Variants in UCHL1 observed in about 807,000 individuals in gnomAD.
The protein encoded by UCHL1 is ubiquitin C-terminal hydrolase L1.
A neutral mutation model predicts 33.3 loss-of-function variants in UCHL1; 5 were observed. The observed-to-expected ratio is 0.15, with a 90% CI of 0.08 to 0.32. UCHL1 has a LOEUF of 0.32. UCHL1 is among the 10% of genes least tolerant of loss of function. UCHL1 has a pLI of 1.00. For synonymous variants in UCHL1, 132 were observed against 108.8 expected (o/e 1.21, Z -1.33); for missense variants, 236 against 280.0 (o/e 0.84, Z 1.12).
chr4:41,257,809 C>T (rs917282545), intron 3 of UCHL1, 72 bp downstream of exon 3: 10 of 1,509,634 alleles, frequency 6.6e-6, no homozygotes, highest in African/African-American at 1.4e-5. Flanking sequence ...TCCTCGGGGG[C>T]TCCCCGCCCC....
At chr4:41,257,030 T>C in intron 1 of UCHL1, 21 bp downstream of exon 1, 6 of 1,614,100 alleles carry the variant, frequency 3.7e-6, no homozygotes, top group East Asian at 2.2e-5. Context: ...GGTGCACCGC[T>C]ACCCGGAGAG....
intron 2 of UCHL1, 150 bp from the exon 3 acceptor site, chr4:41,257,459 G>C (rs1031726237): frequency 8.3e-5 from 94 of 1,129,916 alleles, no homozygotes; most frequent in Non-Finnish European, 1.0e-4. Context: ...TCATTGCGCC[G>C]GCCCGGGTGG....
intron 2 of UCHL1, 159 bp from the exon 3 acceptor site, chr4:41,257,450 C>T (rs912448651): frequency 2.7e-5 from 29 of 1,075,394 alleles, no homozygotes; most frequent in Non-Finnish European, 3.5e-5. Flanking sequence ...TGTGCTGTGT[C>T]ATTGCGCCGG....
At chr4:41,257,572 T>TG (rs773342302) in intron 2 of UCHL1, 37 bp from the exon 3 acceptor site, 1,124 of 1,482,212 alleles carry the variant, frequency 7.6e-4, no homozygotes, top group Non-Finnish European at 9.4e-4. Context: ...GACCCGCGTG[T>TG]CCCCGTGCGC....
At chr4:41,267,915 G>T in intron 8 of UCHL1, 72 bp from the exon 9 acceptor site, 2 of 1,355,464 alleles carry the variant, frequency 1.5e-6, no homozygotes, top group Non-Finnish European at 1.0e-6. Flanking sequence ...AATAGACCTT[G>T]GAGCCTTTCC....
Position 41,256,948 on chromosome 4 carries a change from A to T in UCHL1, c.-29A>T. The T allele has an allele frequency of 3.7e-6, 6 of 1,614,060 alleles. No homozygotes were observed. Among genetic ancestry groups the T allele is most frequent in the Non-Finnish European group, 3.4e-6 (4 of 1,179,986 alleles). ...CCGCTAGCTGTTTTTCGTCTTCCCT[A>T]GGCTATTTCTGCCGGGCGCTCCGCG... On this transcript the variant is annotated 5_prime_UTR_variant, in exon 1 of 9. Coordinates refer to ENST00000284440, the MANE Select transcript of UCHL1 (RefSeq NM_004181.5).
At chr4:41,262,472 C>G (rs1167168576) in intron 6 of UCHL1, among the ~76,000 whole-genome samples, 1 of 152,088 alleles carries the variant, frequency 6.6e-6, no homozygotes, top group Non-Finnish European at 1.5e-5. Flanking sequence ...GAGTGTACAC[C>G]TCTCCTAGTA....
At chr4:41,266,074 G>A (rs983915230) in intron 8 of UCHL1, among the ~76,000 whole-genome samples, 1 of 152,058 alleles carries the variant, frequency 6.6e-6, no homozygotes, top group South Asian at 2.1e-4. Context: ...TATAAGGTGT[G>A]GGGAAGGTAA....
intron 8 of UCHL1, among the ~76,000 whole-genome samples, chr4:41,267,489 G>A (rs1029652723): frequency 3.3e-4 from 50 of 151,946 alleles, no homozygotes; most frequent in African/African-American, 1.0e-3. Flanking sequence ...CTCGTGATCC[G>A]CCTGCCTCAG....
intron 8 of UCHL1, among the ~76,000 whole-genome samples, chr4:41,265,478 T>C (rs1356805505): frequency 6.6e-6 from 1 of 152,166 alleles, no homozygotes; most frequent in Non-Finnish European, 1.5e-5. Flanking sequence ...CTTGGGAGGC[T>C]GAGGCACAAG....
At position 41,263,234 on chromosome 4, in the gene UCHL1, A is replaced by G. The variant is rs758378913; in HGVS notation, c.469A>G (p.Lys157Glu). Residue 157 changes from lysine to glutamate, a missense_variant, in exon 7 of 9, where the codon AAG (lysine) becomes GAG (glutamate). Coordinates refer to ENST00000284440, the MANE Select transcript of UCHL1 (RefSeq NM_004181.5). The stretch of plus-strand genomic sequence containing the variant: ...TCTTGACTTTCTTTAGGTAGATGAC[A>G]AGGTGAATTTCCATTTTATTCTGTT... ...AQEGQCRVDD[K>E]VNFHFILFNN... 3.1e-6 allele frequency: 5 copies of G among 1,613,890 alleles called. No homozygotes were observed. The African/African-American group carries it at 5.3e-5, about 17-fold the overall frequency.
chr4:41,263,137 T>G (rs1388271084), intron 6 of UCHL1, 88 bp from the exon 7 acceptor site: 2 of 1,023,802 alleles, frequency 2.0e-6, no homozygotes, highest in Non-Finnish European at 3.1e-6. Context: ...AAAAATCAAG[T>G]CAGTTCAAGC....
Position 41,260,591 on chromosome 4 carries a change from C to T in UCHL1, c.175-56C>T, listed in dbSNP as rs1035090653. On this transcript the variant is annotated intron_variant, in intron 3 of 8. Coordinates refer to ENST00000284440, the MANE Select transcript of UCHL1 (RefSeq NM_004181.5). ...TTTAGTTGGTAGAACTCATGTGCTG[C>T]CATCTGTTCTTTGCACTTTCATTCT... 70 of 1,596,016 alleles carry T rather than the reference C, an allele frequency of 4.4e-5. 1 individual carries two copies. The highest frequency in any genetic ancestry group is 3.4e-5 in the Admixed American group (2 of 58,420).
At chr4:41,257,425 G>A in intron 2 of UCHL1, 184 bp from the exon 3 acceptor site, 1 of 963,980 alleles carries the variant, frequency 1.0e-6, no homozygotes, top group East Asian at 3.1e-5. Flanking sequence ...CGGGCGCCAC[G>A]TGTGGGCCGC....
At position 41,268,093 on chromosome 4, in the gene UCHL1, T is replaced by C. The variant is rs77194345; in HGVS notation, c.*20T>C. On this transcript the variant is annotated 3_prime_UTR_variant, in exon 9 of 9. Transcript: ENST00000284440. ...GCCTAATGCTCTGTGGGAGGGACTTTGCTGATTTCCCCTCTTCCCTTCAAC... is the reference window on the plus strand; with the variant it reads ...GCCTAATGCTCTGTGGGAGGGACTTCGCTGATTTCCCCTCTTCCCTTCAAC... The C allele has an allele frequency of 5.6e-6, 9 of 1,608,916 alleles. No individual in the cohort carries two copies. Among genetic ancestry groups the C allele is most frequent in the African/African-American group, 5.3e-5 (4 of 74,986 alleles).
In UCHL1 at chr4:41,260,728, A is replaced by G. The variant is rs1265524715; in HGVS notation, c.256A>G (p.Ile86Val). The change falls in exon 4 of 9, where the codon ATT becomes GTT. Residue 86 changes from isoleucine (I) to valine (V), a missense_variant. Physicochemically the swap from Ile to Val is conservative, Grantham distance 29. Transcript: ENST00000284440. ...SPKVYFMKQT[I>V]GNSCGTIGLI... is the part of the protein sequence containing the mutation. ...TAAAGTGTACTTCATGAAGCAGACCATTGGGAATTCCTGTGGCACAATCGG... is the reference window on the plus strand; with the variant it reads ...TAAAGTGTACTTCATGAAGCAGACCGTTGGGAATTCCTGTGGCACAATCGG... The G allele has an allele frequency of 3.1e-6, 5 of 1,614,222 alleles. No homozygotes were observed. The highest frequency in any genetic ancestry group is 3.3e-5 in the Admixed American group (2 of 60,020).
chr4:41,261,602 C>G (rs1049292835), intron 4 of UCHL1, 113 bp from the exon 5 acceptor site: 15 of 1,107,004 alleles, frequency 1.4e-5, no homozygotes, highest in Non-Finnish European at 1.9e-5. Context: ...ACCCTGGAGG[C>G]AGTATTAAAG....
chr4:41,257,551 CA>C (rs972692048), intron 2 of UCHL1, 57 bp from the exon 3 acceptor site: 3 of 1,443,524 alleles, frequency 2.1e-6, no homozygotes, highest in Middle Eastern at 2.4e-4. Flanking sequence ...CGCCCCCTGG[CA>C]GGTGCCCGCG....
At chr4:41,261,079 A>G (rs1781061486) in intron 4 of UCHL1, among the ~76,000 whole-genome samples, 1 of 152,136 alleles carries the variant, frequency 6.6e-6, no homozygotes, top group African/African-American at 2.4e-5. Context: ...AGTGTCTCTT[A>G]AGCATTTTGT....
Sources: gnomAD v4.1 joint callset for allele counts (sites outside exome capture counted in the v4.1 genomes callset) on GRCh38, gnomAD v4.1.1 for gene constraint, MANE v1.5 for transcripts, NCBI Gene and HGNC (gene_info 2026-07-23, HGNC 2026-07-21) for gene names.